The following PDZD2 variants were observed in gnomAD, a reference collection of about 807,000 sequenced individuals.
The protein encoded by PDZD2 is PDZ domain containing 2, also known as PDZ domain-containing protein 2.
PDZD2 carries 90 observed loss-of-function variants against 220.7 expected under a neutral mutation model. The ratio of observed to expected loss-of-function variants is 0.41; its 90% CI spans 0.34 to 0.49. The LOEUF is 0.49. PDZD2 is among the 20% of genes least tolerant of loss of function. PDZD2 has a pLI of 0.28. For synonymous variants in PDZD2, 1,375 were observed against 1,450.5 expected (o/e 0.95, Z 1.18); for missense variants, 3,174 against 3,608.5 (o/e 0.88, Z 3.08).
rs1742566003 is a variant in PDZD2 at position 32,087,303 on chromosome 5, C to G, written c.3855C>G (p.Pro1285=). Residue 1285 remains proline (P), a synonymous_variant, in exon 20 of 25, where the codon CCC becomes CCG. Transcript: ENST00000438447. This position sits in a 1 kb window ranked among gnomAD's most constrained non-coding sequence, Gnocchi z 4.0. The stretch of plus-strand genomic sequence containing the variant: ...AGGCCAGGTCTCCAGTCAGGCTCCC[C>G]CATGAGGGCAGCCCCTCCCCGGGGG... The part of the protein sequence containing the change: ...KCKARSPVRL[P]HEGSPSPGEK... 2.5e-6 allele frequency: 4 copies of G among 1,613,950 alleles called. No individual in the cohort carries two copies. The South Asian group carries it at 4.4e-5, about 18-fold the overall frequency.
intron 1 of PDZD2, among the ~76,000 whole-genome samples, chr5:31,761,033 G>A (rs1257552400): frequency 1.3e-5 from 2 of 152,304 alleles, no homozygotes; most frequent in South Asian, 2.1e-4. Flanking sequence ...AGGTGGGAAT[G>A]TGTTCACTCC....
At chr5:31,811,470 T>G (rs1398855056) in intron 2 of PDZD2, among the ~76,000 whole-genome samples, 1 of 152,204 alleles carries the variant, frequency 6.6e-6, no homozygotes, top group Non-Finnish European at 1.5e-5. Flanking sequence ...CAATGTCTCT[T>G]TGACTTAAAT....
Position 31,890,464 on chromosome 5 carries a change from C to T in PDZD2, c.476+90740C>T, listed in dbSNP as rs186166007. 6.9e-3 allele frequency among the ~76,000 whole-genome samples: 1,054 copies of T among 152,182 alleles called. 16 individuals are homozygous for T. Among genetic ancestry groups the T allele is most frequent in the African/African-American group, 0.024 (1,000 of 41,524 alleles). On this transcript the variant is annotated intron_variant, in intron 2 of 24. Transcript: ENST00000438447. Reference sequence around the variant, plus strand: ...ACAGAGGTTTGGTAGAGGGTCGATTCCCGGTAGGGAAAAATGAAGAAACCA... The same window carrying T: ...ACAGAGGTTTGGTAGAGGGTCGATTTCCGGTAGGGAAAAATGAAGAAACCA...
chr5:32,048,400 C>G (rs962432764), intron 7 of PDZD2, 139 bp from the exon 8 acceptor site: 3 of 668,402 alleles, frequency 4.5e-6, no homozygotes, highest in East Asian at 5.4e-5. Context: ...GGGCTAGGCT[C>G]TGTGCTTTGA....
intron 2 of PDZD2, among the ~76,000 whole-genome samples, chr5:31,960,913 A>T (rs1194868552): frequency 6.6e-6 from 1 of 152,210 alleles, no homozygotes; most frequent in Admixed American, 6.5e-5. Flanking sequence ...TTACATATTG[A>T]CTGTAAACTC....
intron 23 of PDZD2, chr5:32,099,512 T>TC (rs1744053167): frequency 2.6e-5 from 4 of 152,318 alleles, no homozygotes; most frequent in African/African-American, 9.6e-5. Flanking sequence ...GCCTCCATGG[T>TC]CCCCAGTCTT....
At chr5:32,076,560 G>GA (rs980666286) in intron 18 of PDZD2, among the ~76,000 whole-genome samples, 1 of 152,182 alleles carries the variant, frequency 6.6e-6, no homozygotes, top group South Asian at 2.1e-4. Flanking sequence ...AATATTGGAA[G>GA]AAAAAACCTT....
At chr5:31,763,658 G>T (rs1243955861) in intron 1 of PDZD2, among the ~76,000 whole-genome samples, 1 of 151,986 alleles carries the variant, frequency 6.6e-6, no homozygotes, top group Non-Finnish European at 1.5e-5. Flanking sequence ...CTCTTTCCTG[G>T]CATGGAGACA....
intron 2 of PDZD2, chr5:31,820,654 T>A (rs543855540): frequency 6.6e-5 from 10 of 152,108 alleles, no homozygotes; most frequent in South Asian, 2.1e-4. Context: ...ATCTTGACTA[T>A]TTTTTTTCCT....
At chr5:31,642,634 C>T (rs1744991061) in intron 1 of PDZD2, among the ~76,000 whole-genome samples, 1 of 152,216 alleles carries the variant, frequency 6.6e-6, no homozygotes, top group Non-Finnish European at 1.5e-5. Flanking sequence ...CCCTCCCAGG[C>T]ATGTTTGGTA....
intron 2 of PDZD2, among the ~76,000 whole-genome samples, chr5:31,924,161 G>T (rs1323197666): frequency 6.6e-6 from 1 of 152,134 alleles, no homozygotes; most frequent in Admixed American, 6.5e-5. Flanking sequence ...GTGGAATTGC[G>T]ATGGGCCTTT....
chr5:32,043,140 G>T (rs1737583043), intron 7 of PDZD2, among the ~76,000 whole-genome samples: 1 of 152,228 alleles, frequency 6.6e-6, no homozygotes. Flanking sequence ...TATCAATACA[G>T]ATATGGGGAG....
At chr5:31,665,055 G>C (rs183601202) in intron 1 of PDZD2, 95 of 152,426 alleles carry the variant, frequency 6.2e-4, no homozygotes, top group African/African-American at 2.1e-3. Context: ...TGGAATTGTG[G>C]TGTTTGCCTG....
At chr5:31,916,673 C>T (rs1428125096) in intron 2 of PDZD2, among the ~76,000 whole-genome samples, 1 of 21,906 alleles carries the variant, frequency 4.6e-5, no homozygotes, top group Non-Finnish European at 6.9e-5. Flanking sequence ...TCATGGATCC[C>T]TGGGTGTTCC....
chr5:31,757,382 G>T (rs920242340), intron 1 of PDZD2, among the ~76,000 whole-genome samples: 1 of 152,164 alleles, frequency 6.6e-6, no homozygotes, highest in Non-Finnish European at 1.5e-5. Context: ...ATGAGGTCAG[G>T]AGATCAAGAC....
chr5:31,797,747 T>G (rs944106457), intron 1 of PDZD2, among the ~76,000 whole-genome samples: 1 of 152,234 alleles, frequency 6.6e-6, no homozygotes, highest in African/African-American at 2.4e-5. Flanking sequence ...CAAAGCACGC[T>G]ATATTGGAAA....
In PDZD2 at chr5:31,674,399, A is replaced by T. The variant is rs570818460; in HGVS notation, c.-361+34962A>T. On this transcript the variant is annotated intron_variant, in intron 1 of 24. Transcript: ENST00000438447. ...AGGAACTTGAACTGTCTTGTCATTA[A>T]TGAGAGTATGGTGTTTCTCAATGAT... Among the ~76,000 whole-genome samples the T allele has an allele frequency of 2.6e-5, 4 of 152,338 alleles. No individual in the cohort carries two copies. In the South Asian group the frequency reaches 8.3e-4, roughly 32 times the overall value.
chr5:31,899,142 T>C (rs528364874), intron 2 of PDZD2, among the ~76,000 whole-genome samples: 2 of 150,826 alleles, frequency 1.3e-5, no homozygotes, highest in African/African-American at 4.9e-5. Context: ...GTTTGTTTGT[T>C]TTGAGATGGA....
intron 2 of PDZD2, among the ~76,000 whole-genome samples, chr5:31,866,927 G>A (rs974713645): frequency 1.3e-5 from 2 of 152,160 alleles, no homozygotes; most frequent in African/African-American, 4.8e-5. Flanking sequence ...TAGCTAGAAG[G>A]GATCTCAGAG....
Sources: gnomAD v4.1 joint callset for allele counts (sites outside exome capture counted in the v4.1 genomes callset) on GRCh38, gnomAD v4.1.1 for gene constraint, Gnocchi (gnomAD v3.1) non-coding constraint, MANE v1.5 for transcripts, NCBI Gene and HGNC (gene_info 2026-07-23, HGNC 2026-07-21) for gene names.